The following PTPN13 variants were observed in gnomAD, a reference collection of about 807,000 sequenced individuals.
PTPN13 encodes the protein tyrosine-protein phosphatase non-receptor type 13.
A neutral mutation model predicts 284.0 loss-of-function variants in PTPN13; 191 were observed. The ratio of observed to expected loss-of-function variants is 0.67; its 90% confidence interval spans 0.60 to 0.76. The LOEUF (loss-of-function observed/expected upper bound fraction) is 0.76, where lower values mean the gene tolerates loss of function less well. Among genes scored for constraint, PTPN13 ranks in the 30% least tolerant of loss-of-function variants. The pLI is 0.00. For synonymous variants in PTPN13, 986 were observed against 1,022.3 expected (o/e 0.96, Z 0.68); for missense variants, 2,797 against 2,939.9 (o/e 0.95, Z 1.12).
intron 2 of PTPN13, among the ~76,000 whole-genome samples, chr4:86,636,189 C>A (rs1270075827): frequency 1.3e-5 from 2 of 152,036 alleles, no homozygotes; most frequent in Non-Finnish European, 2.9e-5. Flanking sequence ...GGAAAAAAAT[C>A]TGGTAGAATA....
intron 7 of PTPN13, among the ~76,000 whole-genome samples, chr4:86,710,304 A>T (rs1003913578): frequency 6.6e-5 from 10 of 152,176 alleles, no homozygotes; most frequent in African/African-American, 2.2e-4. Context: ...CATGTATTAA[A>T]GGTAAAGAAA....
intron 9 of PTPN13, among the ~76,000 whole-genome samples, chr4:86,719,520 A>G (rs1384452565): frequency 6.6e-6 from 1 of 152,176 alleles, no homozygotes; most frequent in Non-Finnish European, 1.5e-5. Context: ...GTCTAATGGT[A>G]GTTCTGCTTT....
rs1285674289 is a variant in PTPN13 at position 86,732,709 on chromosome 4, G to A, written c.1801G>A (p.Val601Ile). 1 of 1,613,548 alleles carries A rather than the reference G, an allele frequency of 6.2e-7. No homozygotes were observed. Among genetic ancestry groups the A allele is most frequent in the East Asian group, 2.2e-5 (1 of 44,802 alleles). The change falls in exon 12 of 48, where the codon GTT becomes ATT. Residue 601 changes from valine to isoleucine, a missense_variant. Physicochemically the swap from Val to Ile is conservative, Grantham distance 29 (BLOSUM62 3). Coordinates refer to ENST00000411767, the MANE Select transcript of PTPN13 (RefSeq NM_080683.3). Reference sequence around the variant, plus strand: ...TATATGTAAAGATGTGTTTGATATGGTTGTGGCACATATTGGCTTAGTAGA... The same window carrying A: ...TATATGTAAAGATGTGTTTGATATGATTGTGGCACATATTGGCTTAGTAGA... ...KTICKDVFDM[V>I]VAHIGLVEHH...
intron 1 of PTPN13, among the ~76,000 whole-genome samples, chr4:86,604,759 C>G (rs559204331): frequency 8.1e-4 from 123 of 151,786 alleles, no homozygotes; most frequent in African/African-American, 2.9e-3. Flanking sequence ...CTTGTGTAAA[C>G]TAATTATACT....
intron 6 of PTPN13, among the ~76,000 whole-genome samples, chr4:86,695,645 CCTCT>C (rs1007468940): frequency 6.6e-6 from 1 of 151,312 alleles, no homozygotes; most frequent in Non-Finnish European, 1.5e-5. Flanking sequence ...CTATTTTCTC[CCTCT>C]CTTTCTTTGC....
intron 47 of PTPN13, among the ~76,000 whole-genome samples, chr4:86,813,353 T>C (rs1176008471): frequency 6.6e-6 from 1 of 152,244 alleles, no homozygotes; most frequent in African/African-American, 2.4e-5. Context: ...ATCAACTTAA[T>C]AGAAAATAAT....
At chr4:86,752,939 A>G in intron 19 of PTPN13, 70 bp from the exon 20 acceptor site, 1 of 1,132,246 alleles carries the variant, frequency 8.8e-7, no homozygotes, top group Non-Finnish European at 1.3e-6. Flanking sequence ...TGAGCTTATC[A>G]GAAGAAATCA....
intron 23 of PTPN13, among the ~76,000 whole-genome samples, chr4:86,761,424 A>G (rs1445541423): frequency 3.3e-5 from 5 of 152,076 alleles, no homozygotes; most frequent in Non-Finnish European, 5.9e-5. Context: ...TTGAAAATGT[A>G]TGTATTTCTA....
At chr4:86,747,597 T>G (rs745844032) in intron 17 of PTPN13, among the ~76,000 whole-genome samples, 10 of 151,994 alleles carry the variant, frequency 6.6e-5, no homozygotes, top group Non-Finnish European at 1.3e-4. Flanking sequence ...TAGTAGTAGA[T>G]GAATGAATGA....
intron 2 of PTPN13, among the ~76,000 whole-genome samples, chr4:86,662,670 G>T (rs11947018): frequency 0.25 from 38,722 of 152,046 alleles, 5,031 homozygotes; most frequent in Admixed American, 0.3. Flanking sequence ...GCAAACTGTC[G>T]TTTAGAAGTC....
chr4:86,611,894 C>T (rs1369370049), intron 1 of PTPN13, among the ~76,000 whole-genome samples: 1 of 152,172 alleles, frequency 6.6e-6, no homozygotes, highest in East Asian at 1.9e-4. Flanking sequence ...GGACCAGAGG[C>T]CTGACAAGGA....
At chr4:86,702,919 T>C (rs1190086651) in intron 7 of PTPN13, among the ~76,000 whole-genome samples, 1 of 152,090 alleles carries the variant, frequency 6.6e-6, no homozygotes, top group East Asian at 1.9e-4. Flanking sequence ...GTTATTCTAG[T>C]GTAATATTTT....
chr4:86,735,122 C>T (rs1014255695), intron 14 of PTPN13, among the ~76,000 whole-genome samples: 4 of 152,090 alleles, frequency 2.6e-5, no homozygotes, highest in African/African-American at 9.7e-5. Context: ...CTTACTCCTT[C>T]TCCTGAGTTC....
At chr4:86,604,167 G>A (rs1395419235) in intron 1 of PTPN13, among the ~76,000 whole-genome samples, 1 of 152,002 alleles carries the variant, frequency 6.6e-6, no homozygotes, top group Non-Finnish European at 1.5e-5. Flanking sequence ...TTGAATTTGG[G>A]TAGTCCTCGG....
At chr4:86,627,358 G>A (rs536702041) in intron 1 of PTPN13, among the ~76,000 whole-genome samples, 9 of 152,136 alleles carry the variant, frequency 5.9e-5, no homozygotes, top group African/African-American at 2.2e-4. Context: ...TTAACTTTTA[G>A]AAAACAAATT....
Position 86,762,891 on chromosome 4 carries a change from C to A in PTPN13, c.3718C>A (p.Arg1240=), listed in dbSNP as rs894216631. Residue 1240 remains arginine (R), a synonymous_variant, in exon 24 of 48, where the codon CGG becomes AGG. Transcript: ENST00000411767. The part of the protein sequence containing the change: ...ENSFGPSGGL[R]EGSLSSQDSR... ...CTCCTTTGGGCCATCTGGGGGCCTG[C>A]GGGAAGGAAGCCTGAGTTCTCAAGA... 6.2e-7 allele frequency: 1 copy of A among 1,613,724 alleles called. No homozygotes were observed. Among genetic ancestry groups the A allele is most frequent in the East Asian group, 2.2e-5 (1 of 44,874 alleles).
chr4:86,776,369 T>C (rs951935805), intron 35 of PTPN13, among the ~76,000 whole-genome samples: 21 of 152,228 alleles, frequency 1.4e-4, no homozygotes, highest in Non-Finnish European at 1.2e-4. Context: ...CTCCCTGTTA[T>C]CAGTTTTCAA....
In PTPN13 at chr4:86,814,566, C is replaced by T; in HGVS notation, c.*15C>T. The stretch of plus-strand genomic sequence containing the variant: ...TTCTGAAGTGACATGAAAAGAGCCT[C>T]TGGATGCATTTCCATTTCTCTCCTT... On this transcript the variant is annotated 3_prime_UTR_variant, in exon 48 of 48. Coordinates refer to ENST00000411767, the MANE Select transcript of PTPN13 (RefSeq NM_080683.3). 6.3e-7 allele frequency: 1 copy of T among 1,586,506 alleles called. No homozygotes were observed. Among genetic ancestry groups the T allele is most frequent in the Non-Finnish European group, 8.7e-7 (1 of 1,155,716 alleles).
At chr4:86,680,531 T>C (rs1472399196) in intron 3 of PTPN13, among the ~76,000 whole-genome samples, 2 of 152,192 alleles carry the variant, frequency 1.3e-5, no homozygotes, top group Admixed American at 1.3e-4. Context: ...GCTGGCACTA[T>C]GGTGAAGTTC....
Sources: gnomAD v4.1 joint callset for allele counts (sites outside exome capture counted in the v4.1 genomes callset) on GRCh38, gnomAD v4.1.1 for gene constraint, MANE v1.5 for transcripts, NCBI Gene and HGNC (gene_info 2026-07-23, HGNC 2026-07-21) for gene names.